Variants in RHBDL3 observed in about 807,000 individuals in gnomAD.
The protein encoded by RHBDL3 is rhomboid like 3.
RHBDL3 carries 28 observed loss-of-function variants against 48.2 expected under a neutral mutation model. The ratio of observed to expected loss-of-function variants is 0.58; its 90% CI spans 0.43 to 0.80. The LOEUF (loss-of-function observed/expected upper bound fraction) is 0.80. Among genes scored for constraint, RHBDL3 ranks in the 30% least tolerant of loss-of-function variants. RHBDL3 has a pLI of 0.00. For synonymous variants in RHBDL3, 208 were observed against 232.3 expected, an observed-to-expected ratio of 0.90 and a Z score of 0.95; for missense variants, 464 against 542.7, an observed-to-expected ratio of 0.85 and a Z score of 1.44.
At chr17:32,310,501 T>G (rs1194161844) in intron 7 of RHBDL3, among the ~76,000 whole-genome samples, 1 of 151,844 alleles carries the variant, frequency 6.6e-6, no homozygotes, top group Admixed American at 6.6e-5. Context: ...GATCACAAGG[T>G]CAGGAGTTCG....
At chr17:32,279,941 C>T (rs1015522428) in intron 2 of RHBDL3, among the ~76,000 whole-genome samples, 2 of 152,170 alleles carry the variant, frequency 1.3e-5, no homozygotes, top group African/African-American at 4.8e-5. Context: ...ATGGGCTGAG[C>T]GCCCCAGGAA....
chr17:32,282,871 C>T (rs924174302), intron 2 of RHBDL3, among the ~76,000 whole-genome samples: 1 of 152,182 alleles, frequency 6.6e-6, no homozygotes, highest in Non-Finnish European at 1.5e-5. Flanking sequence ...ATCCACCTGC[C>T]TCGGCCTCCC....
At chr17:32,312,781 G>GTGC (rs1485801674) in intron 7 of RHBDL3, among the ~76,000 whole-genome samples, 2 of 151,974 alleles carry the variant, frequency 1.3e-5, no homozygotes, top group Non-Finnish European at 2.9e-5. Context: ...GCCTCCCAAA[G>GTGC]TGCTGGGATT....
At chr17:32,293,011 C>T (rs1251378934) in intron 4 of RHBDL3, among the ~76,000 whole-genome samples, 1 of 151,968 alleles carries the variant, frequency 6.6e-6, no homozygotes, top group African/African-American at 2.4e-5. Flanking sequence ...ATCATTCTGA[C>T]ACATGCTACA....
At chr17:32,275,406 G>C (rs1345710320) in intron 2 of RHBDL3, among the ~76,000 whole-genome samples, 2 of 152,196 alleles carry the variant, frequency 1.3e-5, no homozygotes, top group Non-Finnish European at 2.9e-5. Flanking sequence ...CTGTGTGCCT[G>C]GGAGGCCTTG....
intron 2 of RHBDL3, among the ~76,000 whole-genome samples, chr17:32,283,545 C>T (rs185008340): frequency 5.9e-5 from 9 of 151,732 alleles, no homozygotes; most frequent in South Asian, 4.2e-4. Flanking sequence ...GGATGGTCTC[C>T]ATCTCCTGAC....
At chr17:32,305,734 C>T (rs1466121207) in intron 7 of RHBDL3, among the ~76,000 whole-genome samples, 10 of 152,168 alleles carry the variant, frequency 6.6e-5, no homozygotes, top group Non-Finnish European at 1.2e-4. Context: ...CTGGCTAACG[C>T]GGTGAAACCC....
chr17:32,267,562 A>G lies in RHBDL3; in HGVS notation c.112-340A>G, dbSNP rs546826358. On this transcript the variant is annotated intron_variant, in intron 1 of 8. Coordinates refer to ENST00000269051, the MANE Select transcript of RHBDL3 (RefSeq NM_138328.3). ...ACATAAGCTTTAGGCAGCAGAAATT[A>G]TTAGAGGCGCTTGGACATATTTGGA... The G allele has an allele frequency of 2.5e-5, 4 of 160,752 alleles. No homozygotes were observed. The South Asian group carries it at 8.0e-4, about 32-fold the overall frequency. The allele number at this position is 160,752 out of a possible 1,614,324, so 10.0% of individuals were successfully genotyped here.
chr17:32,298,116 G>T lies in RHBDL3; in HGVS notation c.693G>T (p.Val231=). The T allele has an allele frequency of 6.2e-7, 1 of 1,613,770 alleles. No homozygotes were observed. The highest frequency in any genetic ancestry group is 2.2e-5 in the East Asian group (1 of 44,876). The change falls in exon 6 of 9, where the codon GTG becomes GTT. Residue 231 remains valine (V), a synonymous_variant. Coordinates refer to ENST00000269051, the MANE Select transcript of RHBDL3 (RefSeq NM_138328.3). ...GGATAGAACACCTGGGACTCAATGT[G>T]GTGCTGCAGCTGCTGGTGGGGGTGC... ...HAGIEHLGLN[V]VLQLLVGVPL...
chr17:32,286,475 G>T (rs2040201363), intron 3 of RHBDL3, among the ~76,000 whole-genome samples: 1 of 152,124 alleles, frequency 6.6e-6, no homozygotes, highest in South Asian at 2.1e-4. Flanking sequence ...TCCTGGTCTG[G>T]CTCTGCCTCT....
intron 5 of RHBDL3, among the ~76,000 whole-genome samples, chr17:32,296,457 C>T (rs1438909240): frequency 6.7e-6 from 1 of 149,338 alleles, no homozygotes; most frequent in Non-Finnish European, 1.5e-5. Context: ...TTCCTCAGCC[C>T]CCTGAGTAGC....
chr17:32,300,695 C>T (rs117964783), intron 6 of RHBDL3, among the ~76,000 whole-genome samples: 1,765 of 152,286 alleles, frequency 0.012, 14 homozygotes, highest in Middle Eastern at 0.02. Context: ...TATACATGCT[C>T]CAGGCATATG....
chr17:32,296,248 A>G (rs2040444183), intron 5 of RHBDL3, among the ~76,000 whole-genome samples: 2 of 149,678 alleles, frequency 1.3e-5, no homozygotes, highest in Admixed American at 1.3e-4. Context: ...ATCTCAAAAA[A>G]AAAAAAAAAA....
chr17:32,271,631 A>G (rs953296193), intron 2 of RHBDL3, among the ~76,000 whole-genome samples: 2 of 152,222 alleles, frequency 1.3e-5, no homozygotes, highest in South Asian at 4.1e-4. Flanking sequence ...TTTACCCTTA[A>G]AAATGCCTCC....
At chr17:32,266,755 G>C (rs1225302032) in intron 1 of RHBDL3, among the ~76,000 whole-genome samples, 1 of 152,192 alleles carries the variant, frequency 6.6e-6, no homozygotes, top group African/African-American at 2.4e-5. Flanking sequence ...TCCGCTCCCG[G>C]ATTAGCTCCC....
chr17:32,294,203 C>A, intron 4 of RHBDL3, 91 bp from the exon 5 acceptor site: 1 of 1,047,282 alleles, frequency 9.5e-7, no homozygotes. Flanking sequence ...AAGGTGATAA[C>A]TTCCTGTAGG....
chr17:32,270,062 A>G (rs1309405122), intron 2 of RHBDL3, among the ~76,000 whole-genome samples: 1 of 150,892 alleles, frequency 6.6e-6, no homozygotes, highest in Non-Finnish European at 1.5e-5. Context: ...ACAGTGGCTA[A>G]CGCCGGTAAT....
Position 32,298,127 on chromosome 17 carries a change from T to G in RHBDL3, c.704T>G (p.Leu235Arg), listed in dbSNP as rs758045050. The change falls in exon 6 of 9, where the codon CTG becomes CGG. Residue 235 changes from leucine to arginine, a missense_variant. Coordinates refer to ENST00000269051, the MANE Select transcript of RHBDL3 (RefSeq NM_138328.3). Reference protein sequence around the residue: ...EHLGLNVVLQLLVGVPLEMVH... With the variant: ...EHLGLNVVLQRLVGVPLEMVH... ...CTGGGACTCAATGTGGTGCTGCAGC[T>G]GCTGGTGGGGGTGCCCCTGGAGATG... 1.2e-6 allele frequency: 2 copies of G among 1,613,966 alleles called. No individual in the cohort carries two copies. Among genetic ancestry groups the G allele is most frequent in the Non-Finnish European group, 1.7e-6 (2 of 1,179,924 alleles).
Position 32,293,786 on chromosome 17 carries a change from G to A in RHBDL3, c.520-508G>A, listed in dbSNP as rs552276956. On this transcript the variant is annotated intron_variant, in intron 4 of 8. Coordinates refer to ENST00000269051, the MANE Select transcript of RHBDL3 (RefSeq NM_138328.3). The stretch of plus-strand genomic sequence containing the variant: ...CAAAGAGACCCCAGGACCATGTTGC[G>A]GCCATTTGACACAAAATAAGCAAAC... 4.7e-3 allele frequency among the ~76,000 whole-genome samples: 667 copies of A among 141,300 alleles called. 4 individuals carry two copies. The highest frequency in any genetic ancestry group is 0.011 in the Middle Eastern group (3 of 280). The allele number at this position is 141,300 out of a possible 152,430, so 92.7% of individuals were successfully genotyped here. A position where few individuals can be genotyped will look rare whatever the true frequency, so the allele number is the denominator to read the frequency against.
Sources: allele counts gnomAD v4.1 joint callset (sites outside exome capture counted in the v4.1 genomes callset), GRCh38; gene constraint gnomAD v4.1.1; transcripts MANE v1.5; gene names NCBI Gene and HGNC (gene_info 2026-07-23, HGNC 2026-07-21).